Variants in ADARB1 observed in about 807,000 individuals in gnomAD.
ADARB1 encodes the protein adenosine deaminase RNA specific B1.
A neutral mutation model predicts 52.4 loss-of-function variants in ADARB1; 10 were observed. The observed-to-expected ratio is 0.19, with a 90% confidence interval of 0.12 to 0.32. The LOEUF (loss-of-function observed/expected upper bound fraction) is 0.32. Among genes scored for constraint, ADARB1 ranks in the 10% least tolerant of loss-of-function variants. The pLI, the probability that ADARB1 is intolerant of heterozygous loss-of-function variation, is 1.00. For missense variants in ADARB1, 643 were observed against 922.3 expected (o/e 0.70, Z 3.92); for synonymous variants, 349 against 371.1 (o/e 0.94, Z 0.68).
At chr21:45,110,724 GTAAT>G (rs2087495208) in intron 1 of ADARB1, among the ~76,000 whole-genome samples, 1 of 152,086 alleles carries the variant, frequency 6.6e-6, no homozygotes, top group South Asian at 2.1e-4. Context: ...TTTTGATTGG[GTAAT>G]TAGTTTTTTA....
At chr21:45,170,874 A>C (rs141337808) in intron 2 of ADARB1, among the ~76,000 whole-genome samples, 1 of 152,220 alleles carries the variant, frequency 6.6e-6, no homozygotes, top group Non-Finnish European at 1.5e-5. Flanking sequence ...AGAAATTGTA[A>C]TACCTGTTCT....
Position 45,225,311 on chromosome 21 carries a change from A to G in ADARB1, c.*3114A>G. On this transcript the variant is annotated 3_prime_UTR_variant, in exon 11 of 11. Transcript: ENST00000348831. ...CAGGCCCACCTCTTCCCAGCAAGGG[A>G]CGCCAAAGAACTGCAGTTTTTATTC... The G allele has an allele frequency of 8.3e-7, 1 of 1,201,846 alleles. No homozygotes were observed. Among genetic ancestry groups the G allele is most frequent in the Non-Finnish European group, 1.0e-6 (1 of 969,164 alleles). 74.4% of individuals were successfully genotyped at this position (1,201,846 alleles called of 1,614,324 possible).
intron 4 of ADARB1, chr21:45,177,644 GATAAC>G (rs1400510034): frequency 6.6e-6 from 1 of 152,108 alleles, no homozygotes; most frequent in Non-Finnish European, 1.5e-5. Flanking sequence ...TCACTTTGAA[GATAAC>G]ATGTATACTA....
intron 2 of ADARB1, among the ~76,000 whole-genome samples, chr21:45,136,055 T>C (rs1232664931): frequency 1.3e-5 from 2 of 151,938 alleles, no homozygotes; most frequent in Non-Finnish European, 2.9e-5. Flanking sequence ...GTGGTGTCCC[T>C]GGGCCCATGG....
chr21:45,189,661 G>T (rs1465295729), intron 8 of ADARB1, among the ~76,000 whole-genome samples: 1 of 151,760 alleles, frequency 6.6e-6, no homozygotes, highest in Non-Finnish European at 1.5e-5. Context: ...TGTTTATCTG[G>T]AAAAGTCTTA....
chr21:45,223,728 G>C lies in ADARB1; in HGVS notation c.*1531G>C. 1.0e-6 allele frequency: 1 copy of C among 985,434 alleles called. No homozygotes were observed. Among genetic ancestry groups the C allele is most frequent in the Non-Finnish European group, 1.2e-6 (1 of 829,978 alleles). The allele number at this position is 985,434 out of a possible 1,614,324, so 61.0% of individuals were successfully genotyped here. ...GGCAGAGGGGCGTCATCCTCCCACC[G>C]GACGCTGGGAGCTCAGACCCCAAAA... On this transcript the variant is annotated 3_prime_UTR_variant, in exon 11 of 11. Coordinates refer to ENST00000348831, the MANE Select transcript of ADARB1 (RefSeq NM_001112.4).
chr21:45,224,905 T>G lies in ADARB1; in HGVS notation c.*2708T>G, dbSNP rs781255680. The stretch of plus-strand genomic sequence containing the variant: ...TCCCTTCTGAGCGCTCGGTGTGCAC[T>G]TTTAGACTATAGCTGTTTCATTGAC... On this transcript the variant is annotated 3_prime_UTR_variant, in exon 11 of 11. Transcript: ENST00000348831. 5.2e-4 allele frequency: 515 copies of G among 985,494 alleles called. No homozygotes were observed. Among genetic ancestry groups the G allele is most frequent in the Non-Finnish European group, 5.8e-4 (482 of 829,912 alleles). 61.0% of individuals were successfully genotyped at this position (985,494 alleles called of 1,614,324 possible). A position where few individuals can be genotyped will look rare whatever the true frequency, so the allele number is the denominator to read the frequency against.
At chr21:45,119,417 A>C (rs1424085433) in intron 1 of ADARB1, among the ~76,000 whole-genome samples, 1 of 152,252 alleles carries the variant, frequency 6.6e-6, no homozygotes, top group Non-Finnish European at 1.5e-5. Flanking sequence ...TGGCAAAATT[A>C]GTGCCTTGGT....
chr21:45,174,650 C>T (rs1164177325), intron 3 of ADARB1, among the ~76,000 whole-genome samples: 1 of 151,958 alleles, frequency 6.6e-6, no homozygotes, highest in Non-Finnish European at 1.5e-5. Context: ...TTGCAGTGAG[C>T]CGAGATCGCG....
chr21:45,134,234 C>T (rs1471506609), intron 2 of ADARB1, among the ~76,000 whole-genome samples: 2 of 3,816 alleles, frequency 5.2e-4, no homozygotes, highest in Admixed American at 2.5e-3. Context: ...GTGCGCCCGC[C>T]GGGTGTGTGC....
chr21:45,194,538 C>T (rs946330156), intron 8 of ADARB1, among the ~76,000 whole-genome samples: 6 of 148,722 alleles, frequency 4.0e-5, no homozygotes, highest in African/African-American at 1.5e-4. Flanking sequence ...AACCTCTGTA[C>T]TCTGCCTGTT....
chr21:45,121,552 G>A (rs138148293), intron 1 of ADARB1, among the ~76,000 whole-genome samples: 1,624 of 152,212 alleles, frequency 0.011, 9 homozygotes, highest in Non-Finnish European at 0.018. Context: ...TTAGTTGGCC[G>A]AATCTGTTTC....
chr21:45,202,181 G>A (rs1024580742), intron 8 of ADARB1, among the ~76,000 whole-genome samples: 7 of 152,176 alleles, frequency 4.6e-5, no homozygotes, highest in African/African-American at 7.2e-5. Flanking sequence ...AGGAGAGGGC[G>A]TCATGACACA....
chr21:45,138,204 T>C (rs1387722237), intron 2 of ADARB1, among the ~76,000 whole-genome samples: 3 of 152,376 alleles, frequency 2.0e-5, no homozygotes, highest in South Asian at 2.1e-4. Context: ...GTTTGATTTA[T>C]GAACTTTAGA....
At position 45,222,067 on chromosome 21, in the gene ADARB1, A is replaced by G; in HGVS notation, c.1976A>G (p.His659Arg). 1 of 1,613,692 alleles carries G rather than the reference A, an allele frequency of 6.2e-7. No individual in the cohort carries two copies. The highest frequency in any genetic ancestry group is 8.5e-7 in the Non-Finnish European group (1 of 1,179,982). Residue 659 changes from histidine (H) to arginine (R), a missense_variant, in exon 11 of 11, where the codon CAT becomes CGT. By Grantham distance (29) the His-to-Arg change is conservative. Transcript: ENST00000348831. ...RSKITKPNVY[H>R]ESKLAAKEYQ... ...AAGATTACCAAGCCCAACGTGTACC[A>G]TGAGTCCAAGCTGGCGGCAAAGGAG... is the stretch of plus-strand genomic sequence containing the variant.
At chr21:45,180,580 T>C (rs1311966159) in intron 5 of ADARB1, 136 bp downstream of exon 5, 13 of 749,590 alleles carry the variant, frequency 1.7e-5, no homozygotes, top group Non-Finnish European at 2.5e-5. Flanking sequence ...ATGTCTGCCA[T>C]ATGCAAGTTT....
rs973993680 is a variant in ADARB1, at chr21:45,226,013, C to G, written c.*3816C>G. 3 of 155,346 alleles carry G rather than the reference C, an allele frequency of 1.9e-5. No homozygotes were observed. In the Admixed American group the frequency reaches 2.0e-4, roughly 10 times the overall value. The allele number at this position is 155,346 out of a possible 1,614,324, so 9.6% of individuals were successfully genotyped here. ...AGAATTAGAGAAAACTCTGACCTGC[C>G]GGGTTCCAGGGACTGGTGGAGGTGG... On this transcript the variant is annotated 3_prime_UTR_variant, in exon 11 of 11. Coordinates refer to ENST00000348831, the MANE Select transcript of ADARB1 (RefSeq NM_001112.4).
chr21:45,178,762 G>A (rs992711204), intron 4 of ADARB1, among the ~76,000 whole-genome samples: 1 of 151,938 alleles, frequency 6.6e-6, no homozygotes, highest in Non-Finnish European at 1.5e-5. Context: ...CATTTTTTTT[G>A]TTCTTATATC....
At chr21:45,095,557 C>G (rs1454006928) in intron 1 of ADARB1, among the ~76,000 whole-genome samples, 1 of 152,172 alleles carries the variant, frequency 6.6e-6, no homozygotes, top group African/African-American at 2.4e-5. Flanking sequence ...GTTCTGCATC[C>G]TGCTGTTTCA....
Sources: gnomAD v4.1 joint callset for allele counts (sites outside exome capture counted in the v4.1 genomes callset) on GRCh38, gnomAD v4.1.1 for gene constraint, MANE v1.5 for transcripts, NCBI Gene and HGNC (gene_info 2026-07-23, HGNC 2026-07-21) for gene names.